Variants in BACH2 observed in about 807,000 individuals in gnomAD.
BACH2 encodes BACH transcriptional regulator 2.
A neutral mutation model predicts 61.8 loss-of-function variants in BACH2; 5 were observed. That is an observed-to-expected ratio of 0.08 (90% CI 0.04 to 0.17). The LOEUF (loss-of-function observed/expected upper bound fraction) is 0.17. Ranked by LOEUF, BACH2 falls within the 10% of genes least tolerant of loss-of-function variation. The probability of loss-of-function intolerance (pLI) is 1.00; values close to 1 mark genes in which losing one functional copy is unlikely to be tolerated. For synonymous variants in BACH2, 446 were observed against 440.1 expected, an observed-to-expected ratio of 1.01 and a Z score of -0.17; for missense variants, 824 against 1,091.1, an observed-to-expected ratio of 0.76 and a Z score of 3.45.
Position 90,159,062 on chromosome 6 carries a change from C to T in BACH2, c.-162+47507G>A, listed in dbSNP as rs117773787. Among the ~76,000 whole-genome samples the T allele has an allele frequency of 2.1e-3, 327 of 152,296 alleles. 7 individuals carry two copies. The East Asian group carries it at 0.051, about 24-fold the overall frequency. On this transcript the variant is annotated intron_variant, in intron 4 of 8. Coordinates refer to ENST00000257749, the MANE Select transcript of BACH2 (RefSeq NM_021813.4). ...TTTTACCACATGGATGGGCAAGTAA[C>T]TAAATGGGCTCTATCTTCTAAAGCA... is the stretch of plus-strand genomic sequence containing the variant.
chr6:89,936,986 T>G (rs1773066019), intron 8 of BACH2, among the ~76,000 whole-genome samples: 1 of 151,190 alleles, frequency 6.6e-6, no homozygotes. Context: ...CTGAAGGAGG[T>G]TGAGTTGGTT....
At chr6:89,996,574 C>T (rs951661411) in intron 6 of BACH2, among the ~76,000 whole-genome samples, 1 of 152,166 alleles carries the variant, frequency 6.6e-6, no homozygotes, top group Non-Finnish European at 1.5e-5. Context: ...CCTCAAAGTC[C>T]TGCAAGTGCC....
At chr6:90,131,504 T>A (rs561294250) in intron 4 of BACH2, among the ~76,000 whole-genome samples, 1 of 152,260 alleles carries the variant, frequency 6.6e-6, no homozygotes, top group African/African-American at 2.4e-5. Flanking sequence ...ACTTCCTGCT[T>A]CTAATGGCCC....
At chr6:90,269,450 T>C (rs1771450797) in intron 2 of BACH2, among the ~76,000 whole-genome samples, 1 of 152,212 alleles carries the variant, frequency 6.6e-6, no homozygotes, top group Non-Finnish European at 1.5e-5. Flanking sequence ...TTTAAACTAA[T>C]GCTATAGTGA....
At chr6:89,971,622 A>G (rs1433320015) in intron 6 of BACH2, among the ~76,000 whole-genome samples, 1 of 152,160 alleles carries the variant, frequency 6.6e-6, no homozygotes, top group Non-Finnish European at 1.5e-5. Flanking sequence ...GGTAATTTAT[A>G]AAGAAAAAGA....
In BACH2 at chr6:89,929,589, A is replaced by C. The variant is rs1195775164; in HGVS notation, c.*2819T>G. Reference sequence around the variant, plus strand: ...TGTTTTTAACCAGTTCCCATGGCAGAAGTTAGGTTGGGGGAAGAGGAAGAA... The same window carrying C: ...TGTTTTTAACCAGTTCCCATGGCAGCAGTTAGGTTGGGGGAAGAGGAAGAA... On this transcript the variant is annotated 3_prime_UTR_variant, in exon 9 of 9. Coordinates refer to ENST00000257749, the MANE Select transcript of BACH2 (RefSeq NM_021813.4). The C allele has an allele frequency of 6.6e-6, 1 of 152,350 alleles. No homozygotes were observed. The highest frequency in any genetic ancestry group is 1.9e-4 in the East Asian group (1 of 5,330). The allele number at this position is 152,350 out of a possible 1,614,324, so 9.4% of individuals were successfully genotyped here. A position where few individuals can be genotyped will look rare whatever the true frequency, so the allele number is the denominator to read the frequency against.
At chr6:90,057,756 C>T (rs893977711) in intron 5 of BACH2, among the ~76,000 whole-genome samples, 2 of 152,198 alleles carry the variant, frequency 1.3e-5, no homozygotes, top group African/African-American at 2.4e-5. Context: ...TCCAGCAGCA[C>T]ATCAAAAAGC....
chr6:90,055,913 G>A (rs1286739846), intron 5 of BACH2, among the ~76,000 whole-genome samples: 6 of 152,106 alleles, frequency 3.9e-5, no homozygotes, highest in Non-Finnish European at 8.8e-5. Context: ...TTACAGACAA[G>A]CAAATGCTGA....
chr6:89,952,012 T>C (rs1269948117), intron 6 of BACH2, 150 bp from the exon 7 acceptor site: 5 of 874,324 alleles, frequency 5.7e-6, no homozygotes, highest in African/African-American at 3.4e-5. Flanking sequence ...GGGTCAGCAA[T>C]GATTCTGCTT....
intron 2 of BACH2, among the ~76,000 whole-genome samples, chr6:90,263,697 G>A (rs151028656): frequency 6.6e-6 from 1 of 152,264 alleles, no homozygotes; most frequent in East Asian, 1.9e-4. Flanking sequence ...TGCCAAGCCT[G>A]TAAAATTATT....
intron 4 of BACH2, among the ~76,000 whole-genome samples, chr6:90,153,126 A>G (rs76231081): frequency 2.6e-3 from 401 of 152,286 alleles, no homozygotes; most frequent in African/African-American, 9.3e-3. Flanking sequence ...CTCCATGAAG[A>G]TAAGGAGGAA....
chr6:89,976,922 A>C (rs1775683024), intron 6 of BACH2, among the ~76,000 whole-genome samples: 1 of 152,152 alleles, frequency 6.6e-6, no homozygotes, highest in South Asian at 2.1e-4. Context: ...CTACTACTTC[A>C]CCAGAAAAAG....
At chr6:90,073,649 A>G (rs1781342934) in intron 5 of BACH2, among the ~76,000 whole-genome samples, 1 of 152,206 alleles carries the variant, frequency 6.6e-6, no homozygotes, top group East Asian at 1.9e-4. Context: ...AGGTGCTGCC[A>G]GACACCCTGA....
chr6:90,155,700 C>T (rs1457260592), intron 4 of BACH2, among the ~76,000 whole-genome samples: 2 of 152,160 alleles, frequency 1.3e-5, no homozygotes, highest in African/African-American at 2.4e-5. Flanking sequence ...CTTTCCTGCT[C>T]TGTTTTTAAA....
chr6:89,939,846 G>A, intron 7 of BACH2, among the ~76,000 whole-genome samples: 1 of 43,126 alleles, frequency 2.3e-5, no homozygotes, highest in Non-Finnish European at 4.7e-5. Context: ...TTTTTTTTTT[G>A]TAGAGATGAG....
intron 8 of BACH2, among the ~76,000 whole-genome samples, chr6:89,937,054 T>C (rs528022322): frequency 6.6e-6 from 1 of 152,070 alleles, no homozygotes; most frequent in South Asian, 2.1e-4. Flanking sequence ...CTGTAGTTTA[T>C]GGTTGCTTAT....
intron 4 of BACH2, among the ~76,000 whole-genome samples, chr6:90,122,857 AT>A (rs1158468305): frequency 6.6e-6 from 1 of 152,162 alleles, no homozygotes; most frequent in Non-Finnish European, 1.5e-5. Context: ...CAATGGTTCT[AT>A]TTTTTTCATG....
intron 3 of BACH2, among the ~76,000 whole-genome samples, chr6:90,247,564 A>G (rs536259743): frequency 2.6e-5 from 4 of 152,248 alleles, no homozygotes; most frequent in South Asian, 2.1e-4. Flanking sequence ...CCAAACAGCA[A>G]TATTAGTACC....
intron 1 of BACH2, among the ~76,000 whole-genome samples, chr6:90,296,243 G>A (rs550773251): frequency 1.3e-5 from 2 of 152,048 alleles, no homozygotes; most frequent in East Asian, 3.9e-4. Flanking sequence ...GGGAGGGAGA[G>A]CACACATTCG....
Sources: allele counts gnomAD v4.1 joint callset (sites outside exome capture counted in the v4.1 genomes callset), GRCh38; gene constraint gnomAD v4.1.1; transcripts MANE v1.5; gene names NCBI Gene and HGNC (gene_info 2026-07-23, HGNC 2026-07-21).